Variants in GYS1 observed in about 807,000 individuals in gnomAD.
GYS1 encodes glycogen [starch] synthase, muscle.
Under a neutral mutation model 89.1 loss-of-function variants are expected in GYS1, and 60 were observed. The observed-to-expected ratio is 0.67, with a 90% CI of 0.55 to 0.84. The LOEUF is 0.84. Ranked by LOEUF, GYS1 falls within the 40% of genes least tolerant of loss-of-function variation. GYS1 has a pLI of 0.00. For missense variants in GYS1, 888 were observed against 1,003.1 expected (o/e 0.89, Z 1.55); for synonymous variants, 366 against 401.7 (o/e 0.91, Z 1.06).
intron 5 of GYS1, 44 bp downstream of exon 5, chr19:48,985,417 C>T (rs2038827150): frequency 6.2e-7 from 1 of 1,601,570 alleles, no homozygotes; most frequent in Non-Finnish European, 8.5e-7. Context: ...GCATAGACAG[C>T]TGCCTACCTC....
chr19:48,982,870 T>C, intron 5 of GYS1, 33 bp from the exon 6 acceptor site: 3 of 1,321,136 alleles, frequency 2.3e-6, no homozygotes, highest in Non-Finnish European at 2.2e-6. Context: ...CATGTTTTAT[T>C]TGTTCATTCA....
At chr19:48,976,624 G>A (rs545578308) in intron 10 of GYS1, among the ~76,000 whole-genome samples, 21 of 152,240 alleles carry the variant, frequency 1.4e-4, no homozygotes, top group East Asian at 1.2e-3. Flanking sequence ...TCCTGACTGC[G>A]TCCCTAAAGT....
At chr19:48,988,600 G>A (rs2038876312) in intron 2 of GYS1, among the ~76,000 whole-genome samples, 1 of 152,026 alleles carries the variant, frequency 6.6e-6, no homozygotes, top group African/African-American at 2.4e-5. Flanking sequence ...TTAGAAGTGT[G>A]AGCCACCTAA....
At chr19:48,970,399 C>T in intron 14 of GYS1, 147 bp downstream of exon 14, 1 of 711,344 alleles carries the variant, frequency 1.4e-6, no homozygotes, top group East Asian at 2.7e-5. Context: ...GGATTACAAC[C>T]ATGAGCCACC....
chr19:48,969,814 A>G lies in GYS1; in HGVS notation c.1851T>C (p.Phe617=). The G allele has an allele frequency of 6.2e-7, 1 of 1,613,940 alleles. No individual in the cohort carries two copies. ...TGGGCTCGTAGGTGAAGTGCTCTGG[A>G]AAGGCCTTGGACAGCGCCATGTGGC... The part of the protein sequence containing the change: ...SARHMALSKA[F]PEHFTYEPNE... Residue 617 remains phenylalanine, a synonymous_variant, in exon 15 of 16, where the codon TTT becomes TTC. Coordinates refer to ENST00000323798, the MANE Select transcript of GYS1 (RefSeq NM_002103.5).
intron 5 of GYS1, among the ~76,000 whole-genome samples, chr19:48,984,783 A>C (rs949678423): frequency 5.9e-5 from 9 of 151,934 alleles, no homozygotes; most frequent in Non-Finnish European, 2.9e-5. Context: ...TGGGAGGCTG[A>C]GGCAGGAGAA....
In GYS1 at chr19:48,974,726, G is replaced by T. The variant is rs935135147; in HGVS notation, c.1316C>A (p.Ser439Tyr). Reference sequence around the variant, plus strand: ...ATTGTGGGTGCACACAGGGGGGAAAGACTGCCGCTGCAGGAGCCACAAGAA... The same window carrying T: ...ATTGTGGGTGCACACAGGGGGGAAATACTGCCGCTGCAGGAGCCACAAGAA... ...KRAIFATQRQ[S>Y]FPPVCTHNML... Residue 439 changes from serine (S) to tyrosine (Y), a missense_variant, in exon 11 of 16, where the codon TCT (serine) becomes TAT (tyrosine). Transcript: ENST00000323798. 3.7e-6 allele frequency: 6 copies of T among 1,609,408 alleles called. No individual in the cohort carries two copies. The highest frequency in any genetic ancestry group is 3.3e-5 in the Admixed American group (2 of 59,968).
At chr19:48,984,342 G>A (rs778352430) in intron 5 of GYS1, among the ~76,000 whole-genome samples, 127 of 151,368 alleles carry the variant, frequency 8.4e-4, no homozygotes, top group Non-Finnish European at 8.7e-4. Flanking sequence ...TGGTGTGAAA[G>A]TTACATACAT....
At chr19:48,978,816 T>A (rs989974956) in intron 8 of GYS1, among the ~76,000 whole-genome samples, 14 of 152,164 alleles carry the variant, frequency 9.2e-5, no homozygotes, top group African/African-American at 3.4e-4. Flanking sequence ...ATTACAGGCA[T>A]GAGCTGCCGC....
rs2038549258 is a variant in GYS1, at chr19:48,970,642, G to A, written c.1713C>T (p.Leu571=). 1 of 1,614,044 alleles carries A rather than the reference G, an allele frequency of 6.2e-7. No homozygotes were observed. The highest frequency in any genetic ancestry group is 1.3e-5 in the African/African-American group (1 of 75,042). The stretch of plus-strand genomic sequence containing the variant: ...GCCGGCTCTGCTGACAGAAACTGTA[G>A]AGGAAGGAGGTGAGCTGCGAGCAGG... ...DDSCSQLTSF[L]YSFCQQSRRQ... Residue 571 remains leucine, a synonymous_variant, in exon 14 of 16, where the codon CTC becomes CTT. Coordinates refer to ENST00000323798, the MANE Select transcript of GYS1 (RefSeq NM_002103.5).
Position 48,982,735 on chromosome 19 carries a change from C to T in GYS1, c.926G>A (p.Arg309Gln), listed in dbSNP as rs1183870445. 6.2e-6 allele frequency: 10 copies of T among 1,610,932 alleles called. No homozygotes were observed. Among genetic ancestry groups the T allele is most frequent in the East Asian group, 2.2e-5 (1 of 44,858 alleles). The stretch of plus-strand genomic sequence containing the variant: ...CCCCACGTACCCATAAAAATGGCCC[C>T]GCACAAACTCCTGGATTCGAGCCTT... ...QSKARIQEFVRGHFYGHLDFN... is the reference protein window; with the variant it reads ...QSKARIQEFVQGHFYGHLDFN... The change falls in exon 6 of 16, where the codon CGG becomes CAG. Residue 309 changes from arginine to glutamine, a missense_variant. By Grantham distance (43) the Arg-to-Gln change is conservative. Transcript: ENST00000323798.
Position 48,993,027 on chromosome 19 carries a change from A to G in GYS1, c.86T>C (p.Leu29Pro). 2.5e-6 allele frequency: 4 copies of G among 1,612,084 alleles called. No homozygotes were observed. The highest frequency in any genetic ancestry group is 3.4e-6 in the Non-Finnish European group (4 of 1,178,250). Residue 29 changes from leucine (L) to proline (P), a missense_variant, in exon 1 of 16, where the codon CTC becomes CCC. Coordinates refer to ENST00000323798, the MANE Select transcript of GYS1 (RefSeq NM_002103.5). The part of the protein sequence containing the change: ...EDEFDLENAV[L>P]FEVAWEVANK... ...AGCCACCTCCCAGGCCACTTCGAAG[A>G]GCACTGCGTTCTCCAGGTCGAATTC...
intron 6 of GYS1, 110 bp downstream of exon 6, chr19:48,982,610 C>T (rs1362401173): frequency 3.3e-6 from 3 of 920,014 alleles, no homozygotes; most frequent in African/African-American, 3.3e-5. Flanking sequence ...CCAGGTGCCC[C>T]CTCCCTCAGA....
At chr19:48,985,745 T>G in intron 4 of GYS1, 105 bp downstream of exon 4, 1 of 1,512,374 alleles carries the variant, frequency 6.6e-7, no homozygotes, top group Non-Finnish European at 9.2e-7. Context: ...GGACTTGGAC[T>G]CCTGGATCCT....
At position 48,970,960 on chromosome 19, in the gene GYS1, A is replaced by G; in HGVS notation, c.1613T>C (p.Met538Thr). Residue 538 changes from methionine (M) to threonine (T), a missense_variant, in exon 13 of 16, where the codon ATG becomes ACG. Transcript: ENST00000323798. ...TGAGGGGTCTGCGATGTGTTCCTCC[A>G]TGAAGCAGCCGAAGCCGGAGAGATT... ...STNLSGFGCF[M>T]EEHIADPSAY... is the part of the protein sequence containing the mutation. 3 of 1,613,980 alleles carry G rather than the reference A, an allele frequency of 1.9e-6. No homozygotes were observed. Among genetic ancestry groups the G allele is most frequent in the Non-Finnish European group, 2.5e-6 (3 of 1,179,880 alleles).
chr19:48,974,472 C>T, intron 11 of GYS1, 133 bp from the exon 12 acceptor site: 3 of 1,134,386 alleles, frequency 2.6e-6, no homozygotes, highest in Non-Finnish European at 4.0e-6. Flanking sequence ...AATGTTCAAA[C>T]CCAGGTCTGC....
At position 48,970,983 on chromosome 19, in the gene GYS1, A is replaced by T. The variant is rs2038555976; in HGVS notation, c.1590T>A (p.Asn530Lys). 6.2e-7 allele frequency: 1 copy of T among 1,613,942 alleles called. No homozygotes were observed. The highest frequency in any genetic ancestry group is 8.5e-7 in the Non-Finnish European group (1 of 1,179,924). Residue 530 changes from asparagine (N) to lysine (K), a missense_variant, in exon 13 of 16, where the codon AAT (asparagine) becomes AAA (lysine). Asn to Lys is a moderately conservative substitution (Grantham distance 94, BLOSUM62 0). Coordinates refer to ENST00000323798, the MANE Select transcript of GYS1 (RefSeq NM_002103.5). ...CCATGAAGCAGCCGAAGCCGGAGAG[A>T]TTGGTGGAGATACTGGGGATTCCCA... is the stretch of plus-strand genomic sequence containing the variant. The part of the protein sequence containing the change: ...TVMGIPSIST[N>K]LSGFGCFMEE...
At position 48,986,022 on chromosome 19, in the gene GYS1, C is replaced by T. The variant is rs531912704; in HGVS notation, c.506G>A (p.Ser169Asn). 4 of 1,614,120 alleles carry T rather than the reference C, an allele frequency of 2.5e-6. No individual in the cohort carries two copies. Among genetic ancestry groups the T allele is most frequent in the East Asian group, 2.2e-5 (1 of 44,884 alleles). ...AGCAACCACATGTGGCTTCTCCTCA[C>T]TCTGTGCCAGGAACTGTGGGCAACA... is the stretch of plus-strand genomic sequence containing the variant. ...TWFLGEFLAQ[S>N]EEKPHVVAHF... The change falls in exon 4 of 16, where the codon AGT (serine) becomes AAT (asparagine). Residue 169 changes from serine (S) to asparagine (N), a missense_variant. Coordinates refer to ENST00000323798, the MANE Select transcript of GYS1 (RefSeq NM_002103.5).
chr19:48,969,170 G>A lies in GYS1; in HGVS notation c.*118C>T. ...GTGGAGTGTTTGGCGGACTGGGTGG[G>A]GGCACTGCGGGGCCACACCCAGTGC... On this transcript the variant is annotated 3_prime_UTR_variant, in exon 16 of 16. Coordinates refer to ENST00000323798, the MANE Select transcript of GYS1 (RefSeq NM_002103.5). 1 of 887,630 alleles carries A rather than the reference G, an allele frequency of 1.1e-6. No individual in the cohort carries two copies. The highest frequency in any genetic ancestry group is 1.7e-6 in the Non-Finnish European group (1 of 587,086). The allele number at this position is 887,630 out of a possible 1,614,324, so 55.0% of individuals were successfully genotyped here. A position where few individuals can be genotyped will look rare whatever the true frequency, so the allele number is the denominator to read the frequency against.
Sources: allele counts gnomAD v4.1 joint callset (sites outside exome capture counted in the v4.1 genomes callset), GRCh38; gene constraint gnomAD v4.1.1; transcripts MANE v1.5; gene names NCBI Gene and HGNC (gene_info 2026-07-23, HGNC 2026-07-21).